SLC22A25: variants seen among roughly 807,000 people sequenced by gnomAD.
SLC22A25 encodes the protein MGI:2442751, MGI:2385316, MGI:3042283, MGI:3645714, MGI:3605624, MGI:2442750.
A neutral mutation model predicts 45.9 loss-of-function variants in SLC22A25; 44 were observed. The observed-to-expected ratio is 0.96, with a 90% CI of 0.75 to 1.23. The LOEUF (loss-of-function observed/expected upper bound fraction) is 1.23, where lower values mean the gene tolerates loss of function less well. Ranked by LOEUF, SLC22A25 falls within the 50% of genes most tolerant of loss-of-function variation. The pLI is 0.00. For synonymous variants in SLC22A25, 283 were observed against 238.6 expected (o/e 1.19, Z -1.72); for missense variants, 800 against 666.4 (o/e 1.20, Z -2.21).
intron 7 of SLC22A25, among the ~76,000 whole-genome samples, chr11:63,191,678 A>G (rs976759049): frequency 3.9e-5 from 6 of 152,132 alleles, no homozygotes; most frequent in African/African-American, 1.2e-4. Flanking sequence ...CTATTTGGCC[A>G]TCTTGGCTCC....
intron 5 of SLC22A25, among the ~76,000 whole-genome samples, chr11:63,222,821 G>GT (rs200504452): frequency 0.36 from 54,611 of 150,480 alleles, 10,122 homozygotes; most frequent in East Asian, 0.56. Flanking sequence ...TTTTTTGAGA[G>GT]TTTTTTTTTA....
rs1165533475 is a variant in SLC22A25, at chr11:63,163,752, G to A, written c.*72C>T. On this transcript the variant is annotated 3_prime_UTR_variant, in exon 12 of 12. Coordinates refer to ENST00000306494, the MANE Select transcript of SLC22A25 (RefSeq NM_199352.6). ...CAAAGGCAAAGGCACTGACTACATG[G>A]GAATAGCCCAGATCTAAGCCTTTTT... is the stretch of plus-strand genomic sequence containing the variant. 6.5e-7 allele frequency: 1 copy of A among 1,532,330 alleles called. No homozygotes were observed. The highest frequency in any genetic ancestry group is 1.4e-5 in the African/African-American group (1 of 72,306). 94.9% of individuals were successfully genotyped at this position (1,532,330 alleles called of 1,614,324 possible).
At chr11:63,190,558 T>C (rs368822769) in intron 7 of SLC22A25, among the ~76,000 whole-genome samples, 3 of 152,282 alleles carry the variant, frequency 2.0e-5, no homozygotes, top group South Asian at 4.1e-4. Context: ...TCAAAGTCAT[T>C]GTCTGTCCAG....
chr11:63,228,605 C>T, intron 4 of SLC22A25, 41 bp from the exon 5 acceptor site: 1 of 1,436,922 alleles, frequency 7.0e-7, no homozygotes, highest in South Asian at 1.2e-5. Context: ...CTTATAGCCC[C>T]TCAGTGTAAC....
intron 7 of SLC22A25, among the ~76,000 whole-genome samples, chr11:63,207,967 G>A (rs1431361650): frequency 1.3e-5 from 2 of 152,120 alleles, no homozygotes; most frequent in African/African-American, 4.8e-5. Flanking sequence ...TCAGGGCTCA[G>A]TCCTTTGGAT....
rs565754672 is a variant in SLC22A25 at position 63,233,629 on chromosome 11, A to G, written c.-444-3533T>C. On this transcript the variant is annotated intron_variant, in intron 3 of 11. Coordinates refer to ENST00000306494, the MANE Select transcript of SLC22A25 (RefSeq NM_199352.6). ...TTTTTGAAGGGTTTTTTGTGTCTCTATCTCCTTCAGTTCTGCTCTGATCTT... is the reference window on the plus strand; with the variant it reads ...TTTTTGAAGGGTTTTTTGTGTCTCTGTCTCCTTCAGTTCTGCTCTGATCTT... Among the ~76,000 whole-genome samples, 308 of 151,976 alleles carry G rather than the reference A, an allele frequency of 2.0e-3. 1 individual carries two copies. Among genetic ancestry groups the G allele is most frequent in the African/African-American group, 6.7e-3 (279 of 41,426 alleles).
At position 63,163,427 on chromosome 11, in the gene SLC22A25, A is replaced by G. The variant is rs764051286; in HGVS notation, c.*397T>C. ...TCTTATTTTCTATACAGTCTCTCAC[A>G]AATTCTTCAGTGTCCTGGGAGTCAG... On this transcript the variant is annotated 3_prime_UTR_variant, in exon 12 of 12. Transcript: ENST00000306494. Among the ~76,000 whole-genome samples, 4 of 152,184 alleles carry G rather than the reference A, an allele frequency of 2.6e-5. No homozygotes were observed. The highest frequency in any genetic ancestry group is 1.3e-4 in the Admixed American group (2 of 15,260).
At chr11:63,206,344 ATC>A (rs368737048) in intron 7 of SLC22A25, among the ~76,000 whole-genome samples, 35 of 152,192 alleles carry the variant, frequency 2.3e-4, no homozygotes, top group African/African-American at 7.9e-4. Context: ...GGAAGTCAAA[ATC>A]TCTCTGTTTC....
At chr11:63,185,945 G>A in intron 7 of SLC22A25, among the ~76,000 whole-genome samples, 1 of 151,846 alleles carries the variant, frequency 6.6e-6, no homozygotes, top group Non-Finnish European at 1.5e-5. Flanking sequence ...GTCTATCAGT[G>A]TTGGACATTT....
intron 7 of SLC22A25, among the ~76,000 whole-genome samples, chr11:63,188,415 G>A (rs570338745): frequency 8.5e-4 from 129 of 152,000 alleles, no homozygotes; most frequent in African/African-American, 2.7e-3. Flanking sequence ...TTTTTATTGC[G>A]TCTATTTGAT....
chr11:63,187,174 T>A (rs1401458027), intron 7 of SLC22A25, among the ~76,000 whole-genome samples: 1 of 152,162 alleles, frequency 6.6e-6, no homozygotes, highest in East Asian at 1.9e-4. Flanking sequence ...TTCCTACCCA[T>A]GAGCATGGAA....
At chr11:63,187,549 C>A (rs973062327) in intron 7 of SLC22A25, among the ~76,000 whole-genome samples, 5 of 152,170 alleles carry the variant, frequency 3.3e-5, no homozygotes, top group African/African-American at 1.2e-4. Flanking sequence ...CTTCTCCTGC[C>A]TGATTGCCCT....
intron 5 of SLC22A25, among the ~76,000 whole-genome samples, chr11:63,227,651 GCTGTTTT>G (rs2089988659): frequency 6.6e-6 from 1 of 152,228 alleles, no homozygotes; most frequent in Non-Finnish European, 1.5e-5. Flanking sequence ...AGCCACCCAA[GCTGTTTT>G]CTCATTAGAT....
chr11:63,229,633 A>G lies in SLC22A25; in HGVS notation c.20T>C (p.Leu7Pro). 1 of 1,604,494 alleles carries G rather than the reference A, an allele frequency of 6.2e-7. No individual in the cohort carries two copies. Among genetic ancestry groups the G allele is most frequent in the Non-Finnish European group, 8.5e-7 (1 of 1,171,870 alleles). The change falls in exon 4 of 12, where the codon CTA becomes CCA. Residue 7 changes from leucine (L) to proline (P), a missense_variant. Physicochemically the swap from Leu to Pro is moderately conservative, Grantham distance 98. Coordinates refer to ENST00000306494, the MANE Select transcript of SLC22A25 (RefSeq NM_199352.6). Reference protein sequence around the residue: MAFQDLLDQVGGLGRFQ... With the variant: MAFQDLPDQVGGLGRFQ... The stretch of plus-strand genomic sequence containing the variant: ...TCTCCCCAGGCCTCCAACTTGATCT[A>G]GGAGGTCCTGAAAGGCCATTGAGGC...
At chr11:63,214,401 C>T (rs908617756) in intron 7 of SLC22A25, among the ~76,000 whole-genome samples, 1 of 152,132 alleles carries the variant, frequency 6.6e-6, no homozygotes, top group African/African-American at 2.4e-5. Flanking sequence ...AGGAATGGAA[C>T]AGGAATTAAA....
chr11:63,209,396 C>T (rs904096227), intron 7 of SLC22A25, among the ~76,000 whole-genome samples: 1 of 152,106 alleles, frequency 6.6e-6, no homozygotes, highest in Non-Finnish European at 1.5e-5. Flanking sequence ...AATGTCGGCC[C>T]CCATATGTGC....
chr11:63,197,822 T>C (rs2089101809), intron 7 of SLC22A25, among the ~76,000 whole-genome samples: 1 of 149,986 alleles, frequency 6.7e-6, no homozygotes, highest in African/African-American at 2.5e-5. Flanking sequence ...GGCAATCTAC[T>C]CATCTCACAA....
In SLC22A25 at chr11:63,180,774, A is replaced by G. The variant is rs376036370; in HGVS notation, c.956T>C (p.Val319Ala). 3.1e-6 allele frequency: 5 copies of G among 1,609,756 alleles called. No homozygotes were observed. In the Admixed American group the frequency reaches 6.7e-5, roughly 22 times the overall value. Residue 319 changes from valine to alanine, a missense_variant and splice_region_variant, in exon 9 of 12, where the codon GTT (valine) becomes GCT (alanine). Val to Ala is a moderately conservative substitution (Grantham distance 64). Coordinates refer to ENST00000306494, the MANE Select transcript of SLC22A25 (RefSeq NM_199352.6). ...KNAEDILTME[V>A]LKSTMKQELE... ...TTCTTGCTTCATGGTGGATTTCAAA[A>G]CCTTCAACAACAACAGAAGCAATAA...
chr11:63,178,831 AT>A (rs780930967), intron 9 of SLC22A25, among the ~76,000 whole-genome samples: 3 of 150,452 alleles, frequency 2.0e-5, no homozygotes, highest in Non-Finnish European at 3.0e-5. Context: ...TCCATTTGTC[AT>A]TTTTTTTGCT....
Sources: gnomAD v4.1 joint callset for allele counts (sites outside exome capture counted in the v4.1 genomes callset) on GRCh38, gnomAD v4.1.1 for gene constraint, MANE v1.5 for transcripts, NCBI Gene and HGNC (gene_info 2026-07-23, HGNC 2026-07-21) for gene names.